DNAJC18: variants seen among roughly 807,000 people sequenced by gnomAD.
The protein encoded by DNAJC18 is dnaJ homolog subfamily C member 18.
Under a neutral mutation model 48.6 loss-of-function variants are expected in DNAJC18, and 40 were observed. The ratio of observed to expected loss-of-function variants is 0.82; its 90% CI spans 0.64 to 1.07. DNAJC18 has a LOEUF of 1.07. DNAJC18 is among the 50% of genes least tolerant of loss of function. The probability of loss-of-function intolerance (pLI) is 0.00; values close to 1 mark genes in which losing one functional copy is unlikely to be tolerated. For synonymous variants in DNAJC18, 135 were observed against 152.2 expected, an observed-to-expected ratio of 0.89 and a Z score of 0.83; for missense variants, 340 against 427.7, an observed-to-expected ratio of 0.79 and a Z score of 1.81.
intron 2 of DNAJC18, among the ~76,000 whole-genome samples, chr5:139,430,348 G>A (rs1759309485): frequency 6.6e-6 from 1 of 152,186 alleles, no homozygotes; most frequent in Non-Finnish European, 1.5e-5. Context: ...AAAGGGTCTT[G>A]GGGTTCCCCA....
chr5:139,432,688 A>G (rs1359942610), intron 2 of DNAJC18, among the ~76,000 whole-genome samples: 1 of 152,188 alleles, frequency 6.6e-6, no homozygotes, highest in East Asian at 1.9e-4. Flanking sequence ...TCCTGACTTC[A>G]CGAAGAAAAT....
intron 6 of DNAJC18, among the ~76,000 whole-genome samples, chr5:139,421,801 C>G (rs1424306317): frequency 2.6e-5 from 4 of 152,086 alleles, no homozygotes; most frequent in Admixed American, 2.0e-4. Flanking sequence ...GAGTGAGACT[C>G]TGTCTCAAAA....
intron 2 of DNAJC18, among the ~76,000 whole-genome samples, chr5:139,434,973 C>A (rs1274994079): frequency 6.6e-6 from 1 of 152,002 alleles, no homozygotes; most frequent in Non-Finnish European, 1.5e-5. Flanking sequence ...TAGTTGTTCA[C>A]CTTTAAGTAT....
intron 6 of DNAJC18, among the ~76,000 whole-genome samples, chr5:139,421,203 C>T (rs1454053271): frequency 6.6e-6 from 1 of 152,186 alleles, no homozygotes; most frequent in East Asian, 1.9e-4. Context: ...TGACGGTAAT[C>T]CCAGCACTTT....
At chr5:139,418,215 G>A (rs946649795) in intron 7 of DNAJC18, among the ~76,000 whole-genome samples, 2 of 152,136 alleles carry the variant, frequency 1.3e-5, no homozygotes, top group Admixed American at 6.5e-5. Flanking sequence ...CTGTGGCCCA[G>A]GCTGGAGTGC....
intron 5 of DNAJC18, among the ~76,000 whole-genome samples, chr5:139,423,415 G>C (rs1759184791): frequency 1.3e-5 from 2 of 149,046 alleles, no homozygotes; most frequent in African/African-American, 5.0e-5. Flanking sequence ...TCTGAGACAT[G>C]GTCTTGCTCT....
At chr5:139,419,470 G>A (rs1228551308) in intron 7 of DNAJC18, among the ~76,000 whole-genome samples, 1 of 152,262 alleles carries the variant, frequency 6.6e-6, no homozygotes, top group African/African-American at 2.4e-5. Context: ...CTGGAGGTGA[G>A]GGTAGGGGAC....
intron 6 of DNAJC18, 21 bp from the exon 7 acceptor site, chr5:139,420,246 C>A: frequency 6.3e-7 from 1 of 1,583,858 alleles, no homozygotes; most frequent in African/African-American, 1.4e-5. Context: ...GAGAGAGAGG[C>A]TCATGTGAGC....
chr5:139,431,004 G>A (rs964057345), intron 2 of DNAJC18, among the ~76,000 whole-genome samples: 1 of 152,000 alleles, frequency 6.6e-6, no homozygotes, highest in Admixed American at 6.6e-5. Context: ...GCAGAGATTC[G>A]GAGCTTCGTT....
rs761093234 is a variant in DNAJC18 at position 139,439,478 on chromosome 5, C to T, written c.-33G>A. ...CCCAATCAGCAGGTCCGCCGAGCCT[C>T]CCCCGTGCCCGAGGCTGAAAGAGAA... On this transcript the variant is annotated 5_prime_UTR_variant, in exon 1 of 8. Transcript: ENST00000302060. The surrounding 1 kb of genome is among the most constrained non-coding windows in gnomAD (Gnocchi z 4.1). 2 of 1,613,820 alleles carry T rather than the reference C, an allele frequency of 1.2e-6. No individual in the cohort carries two copies. The highest frequency in any genetic ancestry group is 1.7e-6 in the Non-Finnish European group (2 of 1,179,976).
rs774512711 is a variant in DNAJC18 at position 139,439,463 on chromosome 5, A to G, written c.-18T>C. On this transcript the variant is annotated 5_prime_UTR_variant, in exon 1 of 8. Transcript: ENST00000302060. The surrounding 1 kb of genome is among the most constrained non-coding windows in gnomAD (Gnocchi z 4.1). ...GCCGCCATATCGGTTCCCAATCAGC[A>G]GGTCCGCCGAGCCTCCCCCGTGCCC... 49 of 1,613,708 alleles carry G rather than the reference A, an allele frequency of 3.0e-5. 1 individual carries two copies. The South Asian group carries it at 5.3e-4, about 17-fold the overall frequency.
intron 2 of DNAJC18, among the ~76,000 whole-genome samples, chr5:139,434,207 A>T (rs1429097555): frequency 1.3e-5 from 2 of 152,070 alleles, no homozygotes; most frequent in African/African-American, 2.4e-5. Flanking sequence ...AATCTAAAAA[A>T]TTTTTCCAAT....
chr5:139,424,710 CCT>C (rs1382720856), intron 5 of DNAJC18, among the ~76,000 whole-genome samples: 6 of 102,658 alleles, frequency 5.8e-5, no homozygotes, highest in South Asian at 3.5e-4. Context: ...ACAGTGAGAC[CCT>C]CTCTCAAAAA....
At chr5:139,436,676 G>T (rs1366082232) in intron 2 of DNAJC18, among the ~76,000 whole-genome samples, 1 of 151,308 alleles carries the variant, frequency 6.6e-6, no homozygotes, top group Non-Finnish European at 1.5e-5. Flanking sequence ...GCTAATTTTT[G>T]TATATATATA....
chr5:139,438,899 G>A (rs1172240839), intron 1 of DNAJC18, among the ~76,000 whole-genome samples: 1 of 152,218 alleles, frequency 6.6e-6, no homozygotes, highest in Non-Finnish European at 1.5e-5. Context: ...AGGGACCCAT[G>A]TCAGTCAAAT....
chr5:139,422,847 T>C (rs1208850165), intron 5 of DNAJC18, 30 bp from the exon 6 acceptor site: 2 of 1,503,116 alleles, frequency 1.3e-6, no homozygotes, highest in Non-Finnish European at 1.8e-6. Context: ...AAAAACTTGC[T>C]GTAAGTGTTC....
chr5:139,414,314 T>C, intron 7 of DNAJC18, 42 bp from the exon 8 acceptor site: 1 of 1,564,868 alleles, frequency 6.4e-7, no homozygotes, highest in Non-Finnish European at 8.6e-7. Context: ...AGAGCTGAAC[T>C]CCTTTGTTTC....
chr5:139,417,660 G>A (rs956037070), intron 7 of DNAJC18, among the ~76,000 whole-genome samples: 5 of 145,254 alleles, frequency 3.4e-5, no homozygotes, highest in East Asian at 2.1e-4. Flanking sequence ...TGCAACCTCC[G>A]CCTCCCGGGT....
chr5:139,424,101 C>G (rs146362129), intron 5 of DNAJC18, among the ~76,000 whole-genome samples: 182 of 152,268 alleles, frequency 1.2e-3, no homozygotes, highest in African/African-American at 4.2e-3. Context: ...AACTCATCAC[C>G]CTTCACTTCT....
Sources: gnomAD v4.1 joint callset for allele counts (sites outside exome capture counted in the v4.1 genomes callset) on GRCh38, gnomAD v4.1.1 for gene constraint, Gnocchi (gnomAD v3.1) non-coding constraint, MANE v1.5 for transcripts, NCBI Gene and HGNC (gene_info 2026-07-23, HGNC 2026-07-21) for gene names.